The following HPSE2 variants were observed in gnomAD, a reference collection of about 807,000 sequenced individuals.
The protein encoded by HPSE2 is heparanase 2 (inactive), also known as inactive heparanase-2.
Under a neutral mutation model 60.5 loss-of-function variants are expected in HPSE2, and 38 were observed. That is an observed-to-expected ratio of 0.63 (90% confidence interval 0.48 to 0.82). The LOEUF (loss-of-function observed/expected upper bound fraction) is 0.82, where lower values mean the gene tolerates loss of function less well. HPSE2 is among the 40% of genes least tolerant of loss of function. The pLI is 0.00. For missense variants in HPSE2, 713 were observed against 740.4 expected (o/e 0.96, Z 0.43); for synonymous variants, 295 against 293.2 (o/e 1.01, Z -0.06).
At chr10:98,966,480 T>C (rs1955817469) in intron 3 of HPSE2, among the ~76,000 whole-genome samples, 1 of 152,136 alleles carries the variant, frequency 6.6e-6, no homozygotes, top group Non-Finnish European at 1.5e-5. Flanking sequence ...GTACTAGTCA[T>C]ATATTGAATG....
intron 3 of HPSE2, among the ~76,000 whole-genome samples, chr10:98,761,984 C>A (rs1950015391): frequency 6.6e-6 from 1 of 150,456 alleles, no homozygotes; most frequent in Admixed American, 6.6e-5. Context: ...CCCTCCCCTC[C>A]CCTCCTCTCC....
At chr10:98,880,005 C>T (rs886354931) in intron 3 of HPSE2, among the ~76,000 whole-genome samples, 1 of 151,848 alleles carries the variant, frequency 6.6e-6, no homozygotes, top group Admixed American at 6.6e-5. Context: ...CAGTGCTGCT[C>T]TATTCTGATG....
At chr10:99,227,794 A>G (rs1239852433) in intron 2 of HPSE2, among the ~76,000 whole-genome samples, 1 of 149,866 alleles carries the variant, frequency 6.7e-6, no homozygotes, top group Non-Finnish European at 1.5e-5. Context: ...CTAGATGGAA[A>G]GGTAAAATAT....
At chr10:99,055,558 A>T (rs1958092844) in intron 3 of HPSE2, among the ~76,000 whole-genome samples, 1 of 152,130 alleles carries the variant, frequency 6.6e-6, no homozygotes. Flanking sequence ...AACGGCCAAA[A>T]ATTTCCCAAT....
At chr10:99,027,397 C>G (rs1281351409) in intron 3 of HPSE2, among the ~76,000 whole-genome samples, 1 of 151,868 alleles carries the variant, frequency 6.6e-6, no homozygotes, top group African/African-American at 2.4e-5. Flanking sequence ...CACAACCTAC[C>G]AAGACTGAAT....
At chr10:98,549,702 CTCT>C (rs1407464085) in intron 9 of HPSE2, among the ~76,000 whole-genome samples, 1 of 152,122 alleles carries the variant, frequency 6.6e-6, no homozygotes, top group Non-Finnish European at 1.5e-5. Flanking sequence ...TTCTTTGTCA[CTCT>C]TCTTCTCCAC....
At chr10:98,689,870 T>A (rs539920433) in intron 6 of HPSE2, among the ~76,000 whole-genome samples, 49 of 152,312 alleles carry the variant, frequency 3.2e-4, no homozygotes, top group African/African-American at 1.2e-3. Context: ...ACCTAAGGCA[T>A]AACTCTTTTA....
At chr10:98,811,301 G>C (rs1180921157) in intron 3 of HPSE2, among the ~76,000 whole-genome samples, 5 of 152,102 alleles carry the variant, frequency 3.3e-5, no homozygotes, top group Non-Finnish European at 5.9e-5. Context: ...TAATTACAGA[G>C]TTTTGTAAAA....
intron 3 of HPSE2, among the ~76,000 whole-genome samples, chr10:98,748,096 C>A (rs555904205): frequency 6.6e-6 from 1 of 152,132 alleles, no homozygotes; most frequent in African/African-American, 2.4e-5. Flanking sequence ...GTCAGGAGTT[C>A]GAGACCAGCC....
At chr10:98,581,844 T>C (rs935771224) in intron 9 of HPSE2, among the ~76,000 whole-genome samples, 3 of 152,232 alleles carry the variant, frequency 2.0e-5, no homozygotes, top group Non-Finnish European at 2.9e-5. Context: ...TTCTGTTGAG[T>C]TTTAATAATA....
intron 2 of HPSE2, among the ~76,000 whole-genome samples, chr10:99,230,101 G>T (rs938510670): frequency 4.6e-5 from 7 of 152,104 alleles, no homozygotes; most frequent in Non-Finnish European, 1.0e-4. Flanking sequence ...CTTATTACTA[G>T]GAAAACATAA....
intron 6 of HPSE2, among the ~76,000 whole-genome samples, chr10:98,662,434 C>T (rs373412700): frequency 1.3e-5 from 2 of 152,134 alleles, no homozygotes; most frequent in East Asian, 1.9e-4. Flanking sequence ...AGGCCATCAT[C>T]CTTAGCAAAC....
At chr10:99,267,028 G>A in the HPSE2 span, among the ~76,000 whole-genome samples, 1 of 152,114 alleles carries the variant, frequency 6.6e-6, no homozygotes, top group African/African-American at 2.4e-5. Context: ...TCTTCCCTCT[G>A]ACATGGTCTA....
intron 3 of HPSE2, among the ~76,000 whole-genome samples, chr10:98,942,534 C>T (rs1053933569): frequency 4.7e-4 from 72 of 151,890 alleles, no homozygotes; most frequent in Admixed American, 1.3e-3. Flanking sequence ...CAATGAGATA[C>T]CATCTCACAC....
chr10:98,584,296 T>C (rs932810783), intron 9 of HPSE2, among the ~76,000 whole-genome samples: 1 of 152,202 alleles, frequency 6.6e-6, no homozygotes, highest in African/African-American at 2.4e-5. Flanking sequence ...AAGCCTTCAC[T>C]GGACTGAATC....
rs1377930065 is a variant in HPSE2, at chr10:98,940,341, C to A, written c.611-196285G>T. 3.5e-5 allele frequency among the ~76,000 whole-genome samples: 5 copies of A among 143,064 alleles called. 2 individuals carry two copies. Among genetic ancestry groups the A allele is most frequent in the African/African-American group, 1.4e-4 (5 of 34,942 alleles). 93.9% of individuals were successfully genotyped at this position (143,064 alleles called of 152,430 possible). A position where few individuals can be genotyped will look rare whatever the true frequency, so the allele number is the denominator to read the frequency against. On this transcript the variant is annotated intron_variant, in intron 3 of 11. Transcript: ENST00000370552. ...CAAAATTGACAGACTGCTAGCAAGA[C>A]TAATAAAGAAGAAAAGAGAGAAGAA...
intron 6 of HPSE2, among the ~76,000 whole-genome samples, chr10:98,682,241 A>T (rs1049419654): frequency 2.0e-5 from 3 of 152,204 alleles, no homozygotes; most frequent in Non-Finnish European, 2.9e-5. Flanking sequence ...TGCTGTCATC[A>T]TGTGATGTGT....
At chr10:98,659,143 T>C (rs1947157181) in intron 6 of HPSE2, among the ~76,000 whole-genome samples, 1 of 152,188 alleles carries the variant, frequency 6.6e-6, no homozygotes, top group Non-Finnish European at 1.5e-5. Flanking sequence ...TTTTTGTCTC[T>C]ATGGATTTAC....
chr10:98,746,990 T>C (rs763035494), intron 3 of HPSE2, among the ~76,000 whole-genome samples: 1 of 151,990 alleles, frequency 6.6e-6, no homozygotes, highest in Non-Finnish European at 1.5e-5. Flanking sequence ...TACAACTCAA[T>C]AGTCATTCTA....
Sources: gnomAD v4.1 joint callset for allele counts (sites outside exome capture counted in the v4.1 genomes callset) on GRCh38, gnomAD v4.1.1 for gene constraint, MANE v1.5 for transcripts, NCBI Gene and HGNC (gene_info 2026-07-23, HGNC 2026-07-21) for gene names.